The following FARP1 variants were observed in gnomAD, a reference collection of about 807,000 sequenced individuals.
FARP1 encodes FERM, ARHGEF and pleckstrin domain-containing protein 1.
A neutral mutation model predicts 128.8 loss-of-function variants in FARP1; 52 were observed. The observed-to-expected ratio is 0.40, with a 90% CI of 0.32 to 0.51. The LOEUF is 0.51. Among genes scored for constraint, FARP1 ranks in the 20% least tolerant of loss-of-function variants. The pLI, the probability that FARP1 is intolerant of heterozygous loss-of-function variation, is 0.45. For synonymous variants in FARP1, 580 were observed against 551.8 expected, an observed-to-expected ratio of 1.05 and a Z score of -0.72; for missense variants, 1,333 against 1,367.9, an observed-to-expected ratio of 0.97 and a Z score of 0.40.
intron 1 of FARP1, among the ~76,000 whole-genome samples, chr13:98,194,140 A>C (rs1879420546): frequency 6.6e-6 from 1 of 151,526 alleles, no homozygotes; most frequent in African/African-American, 2.4e-5. Flanking sequence ...TTTTGAGACG[A>C]AGTTTTGCTC....
At chr13:98,304,243 G>A (rs1886042378) in intron 2 of FARP1, among the ~76,000 whole-genome samples, 3 of 152,230 alleles carry the variant, frequency 2.0e-5, no homozygotes, top group South Asian at 4.1e-4. Context: ...TGAAATTACT[G>A]GGTAATGGAG....
chr13:98,251,520 T>TA (rs1441563677), intron 2 of FARP1, among the ~76,000 whole-genome samples: 1 of 151,828 alleles, frequency 6.6e-6, no homozygotes, highest in Non-Finnish European at 1.5e-5. Flanking sequence ...CCACCTCTAC[T>TA]AAAAATACAA....
At chr13:98,374,392 T>C (rs1238228830) in intron 5 of FARP1, among the ~76,000 whole-genome samples, 7 of 152,254 alleles carry the variant, frequency 4.6e-5, no homozygotes, top group Non-Finnish European at 8.8e-5. Flanking sequence ...ACCACTGCAC[T>C]CCAGCCTGGA....
intron 17 of FARP1, 42 bp from the exon 18 acceptor site, chr13:98,431,001 C>A: frequency 1.5e-6 from 2 of 1,307,490 alleles, no homozygotes; most frequent in South Asian, 1.2e-5. Flanking sequence ...AGGTGCATCC[C>A]ATTCAGCTGA....
chr13:98,414,395 G>A (rs980131519), intron 16 of FARP1, among the ~76,000 whole-genome samples: 9 of 152,192 alleles, frequency 5.9e-5, no homozygotes, highest in African/African-American at 1.9e-4. Flanking sequence ...AGGGGCTGCA[G>A]TGAAGTTAAG....
chr13:98,287,834 G>A (rs9584793), intron 2 of FARP1, among the ~76,000 whole-genome samples: 1,369 of 126,936 alleles, frequency 0.011, 22 homozygotes, highest in African/African-American at 0.04. Context: ...ACGTAGTCTC[G>A]CTCTGTCACC....
At chr13:98,365,963 C>T (rs1889065346) in intron 4 of FARP1, among the ~76,000 whole-genome samples, 1 of 151,328 alleles carries the variant, frequency 6.6e-6, no homozygotes. Flanking sequence ...GGCATGTATG[C>T]ATTTAGACTG....
intron 3 of FARP1, among the ~76,000 whole-genome samples, chr13:98,353,759 A>C (rs187639998): frequency 1.3e-5 from 2 of 152,338 alleles, no homozygotes; most frequent in Admixed American, 6.5e-5. Flanking sequence ...TATACAGCAG[A>C]ATAAGCAAAT....
chr13:98,212,223 T>C (rs1033427225), intron 1 of FARP1, among the ~76,000 whole-genome samples: 1 of 152,150 alleles, frequency 6.6e-6, no homozygotes, highest in African/African-American at 2.4e-5. Context: ...ACCTGGCTAA[T>C]TTTTGTGTTT....
chr13:98,200,787 T>C (rs919377013), intron 1 of FARP1, among the ~76,000 whole-genome samples: 1 of 152,192 alleles, frequency 6.6e-6, no homozygotes, highest in African/African-American at 2.4e-5. Flanking sequence ...TGAGTATTTT[T>C]TTCCTAAACC....
intron 2 of FARP1, among the ~76,000 whole-genome samples, chr13:98,279,213 C>G (rs1046010729): frequency 1.3e-5 from 2 of 152,104 alleles, no homozygotes; most frequent in African/African-American, 4.8e-5. Context: ...AAAAATTGCT[C>G]ATGAAATGTG....
chr13:98,410,585 C>T (rs1487772256), intron 14 of FARP1, 149 bp from the exon 15 acceptor site: 3 of 546,690 alleles, frequency 5.5e-6, no homozygotes, highest in Non-Finnish European at 1.0e-5. Context: ...TTCTCCTAAC[C>T]CAAAAAGGAG....
chr13:98,247,256 G>C (rs1594318331), intron 2 of FARP1, among the ~76,000 whole-genome samples: 1 of 152,158 alleles, frequency 6.6e-6, no homozygotes, highest in East Asian at 1.9e-4. Flanking sequence ...AAAAGTAGCT[G>C]TTCCTTTCTA....
chr13:98,184,156 T>C (rs1878706894), intron 1 of FARP1, among the ~76,000 whole-genome samples: 1 of 152,164 alleles, frequency 6.6e-6, no homozygotes, highest in Non-Finnish European at 1.5e-5. Flanking sequence ...TCACTCTTGT[T>C]GCCCAGGCCG....
chr13:98,199,255 G>T, intron 1 of FARP1, among the ~76,000 whole-genome samples: 1 of 151,994 alleles, frequency 6.6e-6, no homozygotes, highest in Non-Finnish European at 1.5e-5. Context: ...CAGTTCCTCA[G>T]TGAGGTGGCA....
intron 16 of FARP1, among the ~76,000 whole-genome samples, chr13:98,417,078 G>A (rs374910275): frequency 2.0e-5 from 3 of 152,172 alleles, no homozygotes; most frequent in Non-Finnish European, 2.9e-5. Context: ...GCCACCTAGA[G>A]TTTTGAACAC....
Position 98,277,148 on chromosome 13 carries a change from A to ACACACACACACACACAC in FARP1, c.171+63736_171+63737insACACACACACACACACC, listed in dbSNP as rs372627844. 5.1e-5 allele frequency among the ~76,000 whole-genome samples: 7 copies of ACACACACACACACACAC among 138,580 alleles called. No individual in the cohort carries two copies. The South Asian group carries it at 9.2e-4, about 18-fold the overall frequency. 90.9% of individuals were successfully genotyped at this position (138,580 alleles called of 152,430 possible). On this transcript the variant is annotated intron_variant, in intron 2 of 26. Transcript: ENST00000319562. The stretch of plus-strand genomic sequence containing the variant: ...CACACACACACACACACACACACAC[A>ACACACACACACACACAC]CCCCATATGTATATATTAGAAGCAG...
At chr13:98,305,355 T>C (rs1408336461) in intron 2 of FARP1, among the ~76,000 whole-genome samples, 3 of 151,848 alleles carry the variant, frequency 2.0e-5, no homozygotes, top group Admixed American at 6.6e-5. Context: ...GAGACGGAGT[T>C]TCGCTCTTGT....
In FARP1 at chr13:98,392,040, T is replaced by C. The variant is rs141365384; in HGVS notation, c.1088+1160T>C. ...CACATTTGTTTCTGGGGTTGTTTTTTCTTCTTTTATTTGCAGCTCTCGTTA... is the reference window on the plus strand; with the variant it reads ...CACATTTGTTTCTGGGGTTGTTTTTCCTTCTTTTATTTGCAGCTCTCGTTA... On this transcript the variant is annotated intron_variant, in intron 11 of 26. Transcript: ENST00000319562. Among the ~76,000 whole-genome samples the C allele has an allele frequency of 1.1e-3, 171 of 152,300 alleles. No homozygotes were observed. The Middle Eastern group carries it at 0.014, about 12-fold the overall frequency.
Sources: allele counts gnomAD v4.1 joint callset (sites outside exome capture counted in the v4.1 genomes callset), GRCh38; gene constraint gnomAD v4.1.1; transcripts MANE v1.5; gene names NCBI Gene and HGNC (gene_info 2026-07-23, HGNC 2026-07-21).